The following FAM13A variants were observed in gnomAD, a reference collection of about 807,000 sequenced individuals.
The protein encoded by FAM13A is family with sequence similarity 13 member A.
FAM13A carries 76 observed loss-of-function variants against 129.6 expected under a neutral mutation model. The observed-to-expected ratio is 0.59, with a 90% CI of 0.49 to 0.71. The LOEUF (loss-of-function observed/expected upper bound fraction) is 0.71. FAM13A is among the 30% of genes least tolerant of loss of function. FAM13A has a pLI of 0.00. For synonymous variants in FAM13A, 443 were observed against 449.9 expected, an observed-to-expected ratio of 0.98 and a Z score of 0.20; for missense variants, 1,108 against 1,249.3, an observed-to-expected ratio of 0.89 and a Z score of 1.70.
rs535904188 is a variant in FAM13A, at chr4:88,828,127, A to C, written c.1007+22893T>G. ...ATACTTTAGGTCTAGGCTAATTGAA[A>C]GAAATGTTTTTTTGTTTGTTTGTTT... On this transcript the variant is annotated intron_variant, in intron 7 of 23. Transcript: ENST00000264344. Among the ~76,000 whole-genome samples the C allele has an allele frequency of 3.2e-4, 49 of 152,186 alleles. No homozygotes were observed. The Middle Eastern group carries it at 0.01, about 32-fold the overall frequency.
intron 6 of FAM13A, among the ~76,000 whole-genome samples, chr4:88,869,425 T>A (rs761515750): frequency 6.6e-6 from 1 of 152,214 alleles, no homozygotes; most frequent in Non-Finnish European, 1.5e-5. Context: ...TGCAGTGGCC[T>A]CCCTTCAGTT....
intron 5 of FAM13A, among the ~76,000 whole-genome samples, chr4:88,935,049 T>C (rs1753632972): frequency 6.6e-6 from 1 of 152,166 alleles, no homozygotes; most frequent in African/African-American, 2.4e-5. Flanking sequence ...TGACAAAACT[T>C]TTCCCCTTAT....
At chr4:88,840,717 G>A (rs749730913) in intron 7 of FAM13A, among the ~76,000 whole-genome samples, 1 of 151,310 alleles carries the variant, frequency 6.6e-6, no homozygotes, top group Non-Finnish European at 1.5e-5. Flanking sequence ...TCTGGACTGT[G>A]CTATTATATT....
intron 13 of FAM13A, among the ~76,000 whole-genome samples, chr4:88,762,752 T>C (rs531905769): frequency 3.9e-5 from 6 of 152,092 alleles, no homozygotes; most frequent in Non-Finnish European, 7.4e-5. Flanking sequence ...GCTCTTCATA[T>C]AGTAGTGCAA....
At chr4:88,976,590 T>C (rs958416828) in intron 4 of FAM13A, among the ~76,000 whole-genome samples, 2 of 152,106 alleles carry the variant, frequency 1.3e-5, no homozygotes, top group Admixed American at 6.5e-5. Context: ...ACTGAAAAAT[T>C]AGTATTGCCG....
chr4:88,855,158 T>C (rs561579396), intron 6 of FAM13A, among the ~76,000 whole-genome samples: 113 of 152,314 alleles, frequency 7.4e-4, no homozygotes, highest in African/African-American at 2.6e-3. Context: ...AATGTTGGAA[T>C]TGCAAGAATA....
At chr4:88,772,319 T>C (rs937327681) in intron 11 of FAM13A, among the ~76,000 whole-genome samples, 1 of 152,232 alleles carries the variant, frequency 6.6e-6, no homozygotes, top group Non-Finnish European at 1.5e-5. Flanking sequence ...TAAAATTGTA[T>C]AAGCGCATTC....
chr4:89,041,642 C>T (rs1241169172), intron 1 of FAM13A, among the ~76,000 whole-genome samples: 4 of 151,984 alleles, frequency 2.6e-5, no homozygotes, highest in East Asian at 1.9e-4. Context: ...TGTGGCAGGC[C>T]GGGCACGGTG....
chr4:89,056,252 G>C (rs536916260), intron 1 of FAM13A, among the ~76,000 whole-genome samples: 3 of 152,136 alleles, frequency 2.0e-5, no homozygotes, highest in Middle Eastern at 3.4e-3. Flanking sequence ...GACAATTTTT[G>C]ATTATTACAA....
chr4:88,910,793 G>A (rs1748983129), intron 5 of FAM13A, among the ~76,000 whole-genome samples: 1 of 151,996 alleles, frequency 6.6e-6, no homozygotes, highest in African/African-American at 2.4e-5. Context: ...GGGACTACAG[G>A]CACGCGTCAC....
In FAM13A at chr4:88,992,649, A is replaced by T. The variant is rs1763056340; in HGVS notation, c.428-1499T>A. Among the ~76,000 whole-genome samples the T allele has an allele frequency of 3.3e-5, 5 of 152,364 alleles. No individual in the cohort carries two copies. In the South Asian group the frequency reaches 1.0e-3, roughly 32 times the overall value. On this transcript the variant is annotated intron_variant, in intron 3 of 23. Transcript: ENST00000264344. The stretch of plus-strand genomic sequence containing the variant: ...TACACCCCAAAATGTCTAACAATAT[A>T]TCAAAATTCATAGGCATACATATGA...
At chr4:88,898,258 T>A (rs1365267645) in intron 6 of FAM13A, among the ~76,000 whole-genome samples, 1 of 152,134 alleles carries the variant, frequency 6.6e-6, no homozygotes, top group African/African-American at 2.4e-5. Flanking sequence ...CCTAAAAATG[T>A]TCCTCAAATC....
chr4:88,910,342 A>G (rs1400377781), intron 5 of FAM13A, among the ~76,000 whole-genome samples: 1 of 152,066 alleles, frequency 6.6e-6, no homozygotes, highest in Non-Finnish European at 1.5e-5. Flanking sequence ...ATAAGGAAGG[A>G]AAAAAATACC....
chr4:89,026,063 C>T (rs866613543), intron 2 of FAM13A, among the ~76,000 whole-genome samples: 2 of 152,054 alleles, frequency 1.3e-5, no homozygotes, highest in Non-Finnish European at 2.9e-5. Context: ...AGAGAAAGAA[C>T]GTTGATTATG....
At chr4:89,041,080 G>T (rs1458629278) in intron 1 of FAM13A, among the ~76,000 whole-genome samples, 1 of 152,200 alleles carries the variant, frequency 6.6e-6, no homozygotes, top group Non-Finnish European at 1.5e-5. Flanking sequence ...CTACTTAAAA[G>T]TGTTATGAGT....
chr4:88,828,497 CT>C (rs1578850192), intron 7 of FAM13A, among the ~76,000 whole-genome samples: 2 of 152,056 alleles, frequency 1.3e-5, no homozygotes, highest in South Asian at 2.1e-4. Flanking sequence ...TGATTTTTAT[CT>C]TTTTTTCCTG....
rs116703634 is a variant in FAM13A, at chr4:88,781,220, C to A, written c.1403G>T (p.Arg468Leu). 1 of 1,611,986 alleles carries A rather than the reference C, an allele frequency of 6.2e-7. No homozygotes were observed. Among genetic ancestry groups the A allele is most frequent in the Non-Finnish European group, 8.5e-7 (1 of 1,178,990 alleles). Reference protein sequence around the residue: ...GCAGERSKPKRQKSSTKLSEL... With the variant: ...GCAGERSKPKLQKSSTKLSEL... ...AGAAAGTTTAGTACTGGATTTCTGA[C>A]GTTTAGGCTTGCTCCTTTCTCCAGC... The change falls in exon 11 of 24, where the codon CGT (arginine) becomes CTT (leucine). Residue 468 changes from arginine (R) to leucine (L), a missense_variant. Coordinates refer to ENST00000264344, the MANE Select transcript of FAM13A (RefSeq NM_014883.4).
intron 4 of FAM13A, among the ~76,000 whole-genome samples, chr4:88,965,411 T>C (rs1391086904): frequency 1.3e-5 from 2 of 152,146 alleles, no homozygotes; most frequent in Admixed American, 6.5e-5. Flanking sequence ...AGGTCAGACA[T>C]CGGGACAGAA....
chr4:88,811,853 G>GT (rs2149783194), intron 7 of FAM13A, among the ~76,000 whole-genome samples: 1 of 152,264 alleles, frequency 6.6e-6, no homozygotes, highest in East Asian at 1.9e-4. Flanking sequence ...GTCTCCCAAA[G>GT]TTTATGTGTT....
Sources: allele counts gnomAD v4.1 joint callset (sites outside exome capture counted in the v4.1 genomes callset), GRCh38; gene constraint gnomAD v4.1.1; transcripts MANE v1.5; gene names NCBI Gene and HGNC (gene_info 2026-07-23, HGNC 2026-07-21).